The following SCFD2 variants were observed in gnomAD, a reference collection of about 807,000 sequenced individuals.
SCFD2 encodes sec1 family domain containing 2.
In SCFD2, 54 loss-of-function variants were observed where a neutral mutation model predicts 58.9. The ratio of observed to expected loss-of-function variants is 0.92; its 90% confidence interval spans 0.74 to 1.15. The LOEUF (loss-of-function observed/expected upper bound fraction) is 1.15, where lower values mean the gene tolerates loss of function less well. Among genes scored for constraint, SCFD2 ranks in the 50% most tolerant of loss-of-function variants. SCFD2 has a pLI of 0.00. For synonymous variants in SCFD2, 321 were observed against 335.9 expected (o/e 0.96, Z 0.49); for missense variants, 805 against 836.6 (o/e 0.96, Z 0.47).
intron 5 of SCFD2, among the ~76,000 whole-genome samples, chr4:53,047,188 C>A (rs1391129047): frequency 2.0e-5 from 3 of 152,190 alleles, no homozygotes; most frequent in Admixed American, 2.0e-4. Flanking sequence ...GGCTGATAAC[C>A]TATAATCCCA....
chr4:53,215,444 GCTGT>G (rs1360046465), intron 4 of SCFD2, among the ~76,000 whole-genome samples: 2 of 150,342 alleles, frequency 1.3e-5, no homozygotes, highest in African/African-American at 2.4e-5. Flanking sequence ...TCATGATTTG[GCTGT>G]CTGTTATTGG....
rs187819966 is a variant in SCFD2 at position 53,032,917 on chromosome 4, A to C, written c.1562-112047T>G. Among the ~76,000 whole-genome samples, 7 of 152,316 alleles carry C rather than the reference A, an allele frequency of 4.6e-5. No individual in the cohort carries two copies. In the East Asian group the frequency reaches 1.4e-3, roughly 29 times the overall value. On this transcript the variant is annotated intron_variant, in intron 5 of 8. Coordinates refer to ENST00000401642, the MANE Select transcript of SCFD2 (RefSeq NM_152540.4). ...AATATTAGACAGATCAATGAGACAG[A>C]AAATTAACAAGGATATTCAGGACTT...
At chr4:53,280,914 T>G (rs1033837705) in intron 3 of SCFD2, among the ~76,000 whole-genome samples, 5 of 152,174 alleles carry the variant, frequency 3.3e-5, no homozygotes, top group African/African-American at 1.2e-4. Context: ...CCCCATTATT[T>G]TAACATTTTG....
intron 6 of SCFD2, among the ~76,000 whole-genome samples, chr4:52,910,419 G>GTACC (rs1039284346): frequency 5.3e-5 from 8 of 152,226 alleles, no homozygotes; most frequent in African/African-American, 1.9e-4. Flanking sequence ...GGCTAAATTA[G>GTACC]TACCTACTTT....
At chr4:53,108,871 C>T (rs1217622683) in intron 5 of SCFD2, among the ~76,000 whole-genome samples, 1 of 152,162 alleles carries the variant, frequency 6.6e-6, no homozygotes, top group Admixed American at 6.5e-5. Context: ...CTTGATGAGG[C>T]CAGCATCATC....
At chr4:53,207,772 CTCT>C (rs901400542) in intron 4 of SCFD2, among the ~76,000 whole-genome samples, 3 of 147,274 alleles carry the variant, frequency 2.0e-5, no homozygotes, top group East Asian at 2.0e-4. Context: ...TCCTCCTTCT[CTCT>C]TCTTCTTTCT....
chr4:53,211,178 G>A (rs1305250723), intron 4 of SCFD2, among the ~76,000 whole-genome samples: 2 of 151,410 alleles, frequency 1.3e-5, no homozygotes, highest in African/African-American at 4.9e-5. Flanking sequence ...GGGGGGCGGA[G>A]GTTGCAATGA....
chr4:53,054,294 T>C (rs898264843), intron 5 of SCFD2, among the ~76,000 whole-genome samples: 1 of 152,236 alleles, frequency 6.6e-6, no homozygotes, highest in African/African-American at 2.4e-5. Context: ...CCTGTGTATT[T>C]TTCATATGTC....
At chr4:53,328,990 A>G (rs1197756847) in intron 2 of SCFD2, among the ~76,000 whole-genome samples, 1 of 152,236 alleles carries the variant, frequency 6.6e-6, no homozygotes, top group African/African-American at 2.4e-5. Context: ...TGACGGACAC[A>G]CCTGGAAAAT....
At chr4:53,158,027 G>T (rs1726741226) in intron 4 of SCFD2, among the ~76,000 whole-genome samples, 1 of 152,196 alleles carries the variant, frequency 6.6e-6, no homozygotes, top group East Asian at 1.9e-4. Flanking sequence ...CCAGGTTGAT[G>T]TCAATGCTTC....
intron 4 of SCFD2, among the ~76,000 whole-genome samples, chr4:53,162,639 T>G (rs1302459914): frequency 1.3e-5 from 2 of 151,134 alleles, no homozygotes; most frequent in Non-Finnish European, 2.9e-5. Flanking sequence ...TTCTAACTGG[T>G]GTGAGATGGT....
chr4:52,909,296 A>G (rs565007957), intron 6 of SCFD2, among the ~76,000 whole-genome samples: 66 of 152,344 alleles, frequency 4.3e-4, no homozygotes, highest in African/African-American at 1.3e-3. Context: ...CCCAAGTGCC[A>G]TCAGTAGGGA....
At chr4:52,931,560 T>G (rs1577836629) in intron 5 of SCFD2, among the ~76,000 whole-genome samples, 2 of 152,310 alleles carry the variant, frequency 1.3e-5, no homozygotes, top group East Asian at 3.9e-4. Context: ...CTGCAAAAGA[T>G]GAAGCAGCAA....
At chr4:52,986,468 C>T (rs1023398985) in intron 5 of SCFD2, among the ~76,000 whole-genome samples, 9 of 147,644 alleles carry the variant, frequency 6.1e-5, no homozygotes, top group African/African-American at 2.0e-4. Context: ...CTACCTTCAT[C>T]TCAAGCTTAG....
At chr4:53,292,394 C>T (rs529299990) in intron 3 of SCFD2, among the ~76,000 whole-genome samples, 2 of 151,658 alleles carry the variant, frequency 1.3e-5, no homozygotes, top group African/African-American at 4.8e-5. Context: ...GGGTGAAACA[C>T]ATGAACAGAC....
At chr4:52,917,717 A>G (rs1287450844) in intron 6 of SCFD2, among the ~76,000 whole-genome samples, 1 of 152,090 alleles carries the variant, frequency 6.6e-6, no homozygotes, top group Admixed American at 6.5e-5. Flanking sequence ...TTATTTCTGG[A>G]GGTCTAGTCC....
At chr4:53,011,693 C>A (rs868390893) in intron 5 of SCFD2, among the ~76,000 whole-genome samples, 92 of 152,306 alleles carry the variant, frequency 6.0e-4, no homozygotes, top group African/African-American at 2.2e-3. Context: ...TAAACTGTAA[C>A]AAGAACACCT....
chr4:53,252,982 C>A (rs922538328), intron 4 of SCFD2, among the ~76,000 whole-genome samples: 2 of 152,064 alleles, frequency 1.3e-5, no homozygotes, highest in Non-Finnish European at 2.9e-5. Context: ...TTTTTGCAAC[C>A]TACTCATCTG....
intron 4 of SCFD2, among the ~76,000 whole-genome samples, chr4:53,161,995 T>C (rs1726867135): frequency 6.6e-6 from 1 of 152,172 alleles, no homozygotes; most frequent in Non-Finnish European, 1.5e-5. Context: ...TACTGGGCTT[T>C]CCAAAGGCTT....
Sources: allele counts gnomAD v4.1 joint callset (sites outside exome capture counted in the v4.1 genomes callset), GRCh38; gene constraint gnomAD v4.1.1; transcripts MANE v1.5; gene names NCBI Gene and HGNC (gene_info 2026-07-23, HGNC 2026-07-21).